Variants in LINC00305 observed in about 807,000 individuals in gnomAD.
The protein encoded by LINC00305 is long independently transcribed non-coding RNA 305.
chr18:64,117,914 T>C (rs1426436459), intron 1 of LINC00305, among the ~76,000 whole-genome samples: 1 of 152,198 alleles, frequency 6.6e-6, no homozygotes, highest in Non-Finnish European at 1.5e-5. Context: ...CCTGCTTTTC[T>C]TTTCTTTGAC....
intron 1 of LINC00305, among the ~76,000 whole-genome samples, chr18:64,134,543 C>T (rs112821379): frequency 9.2e-5 from 14 of 152,206 alleles, no homozygotes; most frequent in African/African-American, 3.1e-4. Context: ...TTGTTTATTT[C>T]GCCCCAAGCT....
intron 1 of LINC00305, among the ~76,000 whole-genome samples, chr18:64,128,325 A>G (rs2051394205): frequency 6.6e-6 from 1 of 151,962 alleles, no homozygotes; most frequent in Non-Finnish European, 1.5e-5. Context: ...AAAAGATATA[A>G]ATTCTTAGTC....
intron 3 of LINC00305, among the ~76,000 whole-genome samples, chr18:64,082,216 T>G (rs1277247086): frequency 6.6e-6 from 1 of 152,106 alleles, no homozygotes; most frequent in Admixed American, 6.6e-5. Flanking sequence ...GACTTTTTTT[T>G]CAGATCCTGC....
chr18:64,124,724 A>G (rs1351214601), intron 1 of LINC00305, among the ~76,000 whole-genome samples: 1 of 152,156 alleles, frequency 6.6e-6, no homozygotes, highest in East Asian at 1.9e-4. Context: ...GTCACTATGT[A>G]TCAGGCACTG....
intron 1 of LINC00305, among the ~76,000 whole-genome samples, chr18:64,133,944 T>C (rs1247183506): frequency 6.6e-6 from 1 of 152,210 alleles, no homozygotes; most frequent in Non-Finnish European, 1.5e-5. Flanking sequence ...TCATATAAAA[T>C]AGTAAATACT....
chr18:64,098,465 C>T (rs1311947406), intron 2 of LINC00305: 1 of 409,232 alleles, frequency 2.4e-6, no homozygotes. Context: ...AGTTCATGTA[C>T]TCATAAGTAA....
At chr18:64,084,826 A>T (rs1180348379) in intron 3 of LINC00305, among the ~76,000 whole-genome samples, 1 of 152,248 alleles carries the variant, frequency 6.6e-6, no homozygotes, top group Non-Finnish European at 1.5e-5. Flanking sequence ...CATCTGATAG[A>T]AGCCAGCCTT....
At chr18:64,098,056 A>G in intron 2 of LINC00305, 1 of 455,056 alleles carries the variant, frequency 2.2e-6, no homozygotes, top group South Asian at 1.6e-5. Flanking sequence ...CAACAAAATT[A>G]AAGATTTATT....
chr18:64,134,104 T>C (rs552336444), intron 1 of LINC00305, among the ~76,000 whole-genome samples: 1 of 152,290 alleles, frequency 6.6e-6, no homozygotes, highest in Admixed American at 6.5e-5. Flanking sequence ...GACTCTTAAA[T>C]TATGGAAGAT....
chr18:64,134,224 G>A (rs1253314474), intron 1 of LINC00305, among the ~76,000 whole-genome samples: 1 of 152,144 alleles, frequency 6.6e-6, no homozygotes, highest in Non-Finnish European at 1.5e-5. Context: ...GGAAACCCTG[G>A]CAAACAAGAA....
chr18:64,083,319 T>C (rs972684761), intron 3 of LINC00305, among the ~76,000 whole-genome samples: 4 of 152,156 alleles, frequency 2.6e-5, no homozygotes, highest in African/African-American at 7.2e-5. Context: ...AGGCTGGCTC[T>C]TCAAAAACCT....
chr18:64,110,965 T>C (rs2051312471), intron 1 of LINC00305, among the ~76,000 whole-genome samples: 1 of 152,188 alleles, frequency 6.6e-6, no homozygotes, highest in South Asian at 2.1e-4. Context: ...TGGAGTGTTT[T>C]TCTACATCCT....
chr18:64,090,831 G>A (rs116442885), intron 3 of LINC00305, among the ~76,000 whole-genome samples: 1 of 152,130 alleles, frequency 6.6e-6, no homozygotes, highest in African/African-American at 2.4e-5. Context: ...AGAGCATTTA[G>A]CTTGTGTGTG....
At chr18:64,107,730 A>C (rs1477546881) in intron 1 of LINC00305, among the ~76,000 whole-genome samples, 1 of 152,220 alleles carries the variant, frequency 6.6e-6, no homozygotes, top group East Asian at 1.9e-4. Context: ...TTTGGCCAGA[A>C]GAAGAGGCAT....
chr18:64,148,151 A>G lies in LINC00305; in HGVS notation n.314+624T>C, dbSNP rs149730017. ...TATCTAGGATCTCCACCCAACCTCA[A>G]ATGTTTCTGGAAGTCTTTATTGCAG... On this transcript the variant is annotated intron_variant and non_coding_transcript_variant, in intron 1 of 3. Transcript: ENST00000666468. 1.2e-3 allele frequency among the ~76,000 whole-genome samples: 185 copies of G among 151,910 alleles called. 1 individual carries two copies. Among genetic ancestry groups the G allele is most frequent in the African/African-American group, 4.2e-3 (173 of 41,440 alleles).
At position 64,097,756 on chromosome 18, in the gene LINC00305, C is replaced by T. The variant is rs1418695099; in HGVS notation, n.540+78G>A. 2.0e-5 allele frequency: 8 copies of T among 409,860 alleles called. No homozygotes were observed. The East Asian group carries it at 5.0e-4, about 26-fold the overall frequency. The allele number at this position is 409,860 out of a possible 1,614,324, so 25.4% of individuals were successfully genotyped here. On this transcript the variant is annotated intron_variant and non_coding_transcript_variant, in intron 3 of 3. Coordinates refer to ENST00000666468, the Ensembl canonical transcript of LINC00305. Reference sequence around the variant, plus strand: ...TTATTTCAAGTCCTCATATTGAATACTAATAAAAAAGTAGCCATGGAAACA... The same window carrying T: ...TTATTTCAAGTCCTCATATTGAATATTAATAAAAAAGTAGCCATGGAAACA...
chr18:64,094,257 G>A lies in LINC00305; in HGVS notation n.540+3577C>T, dbSNP rs190793073. On this transcript the variant is annotated intron_variant and non_coding_transcript_variant, in intron 3 of 3. Transcript: ENST00000666468. ...TTCTGCTGGAAGAGAGCAATTGGAG[G>A]ACAATTGAAGGAAAACACTGAAGAC... Among the ~76,000 whole-genome samples, 246 of 152,318 alleles carry A rather than the reference G, an allele frequency of 1.6e-3. 2 individuals carry two copies. Among genetic ancestry groups the A allele is most frequent in the African/African-American group, 5.7e-3 (238 of 41,558 alleles).
intron 1 of LINC00305, among the ~76,000 whole-genome samples, chr18:64,101,409 A>G (rs1487933555): frequency 1.3e-5 from 2 of 151,646 alleles, no homozygotes; most frequent in Non-Finnish European, 2.9e-5. Flanking sequence ...GCTTTTGGGA[A>G]AAAATGTTGC....
chr18:64,124,311 C>A (rs967320965), intron 1 of LINC00305, among the ~76,000 whole-genome samples: 4 of 152,096 alleles, frequency 2.6e-5, no homozygotes, highest in African/African-American at 9.7e-5. Context: ...TCTCTCTCAA[C>A]TGGTTTTCCT....
Sources: gnomAD v4.1 joint callset for allele counts (sites outside exome capture counted in the v4.1 genomes callset) on GRCh38, gnomAD v4.1.1 for gene constraint, MANE v1.5 for transcripts, NCBI Gene and HGNC (gene_info 2026-07-23, HGNC 2026-07-21) for gene names.